The following TENM1 variants were observed in gnomAD, a reference collection of about 807,000 sequenced individuals.
The protein encoded by TENM1 is teneurin transmembrane protein 1, also known as teneurin-1.
Under a neutral mutation model 174.8 loss-of-function variants are expected in TENM1, and 35 were observed. The observed-to-expected ratio is 0.20, with a 90% confidence interval of 0.15 to 0.27. TENM1 has a LOEUF of 0.27. Ranked by LOEUF, TENM1 falls within the 10% of genes least tolerant of loss-of-function variation. The probability of loss-of-function intolerance (pLI) is 1.00; values close to 1 mark genes in which losing one functional copy is unlikely to be tolerated. For synonymous variants in TENM1, 781 were observed against 798.7 expected (o/e 0.98, Z 0.37); for missense variants, 1,633 against 2,130.1 (o/e 0.77, Z 4.59).
intron 1 of TENM1, among the ~76,000 whole-genome samples, chrX:124,907,796 T>C (rs942683858): frequency 1.8e-5 from 2 of 112,195 alleles, no homozygotes; most frequent in South Asian, 7.5e-4. Context: ...ATAGTAGTCA[T>C]ATACTCTTAT....
At chrX:124,654,355 C>T (rs956669949) in intron 6 of TENM1, among the ~76,000 whole-genome samples, 3 of 112,268 alleles carry the variant, frequency 2.7e-5, no homozygotes, top group Non-Finnish European at 5.6e-5. Context: ...AAGCTCTGTG[C>T]GGACAAGCAC....
chrX:124,943,144 T>A (rs1314602788), intron 1 of TENM1, among the ~76,000 whole-genome samples: 3 of 111,406 alleles, frequency 2.7e-5, no homozygotes, highest in Non-Finnish European at 5.7e-5. Context: ...GTAAAGGCGG[T>A]TAAAAGAAGA....
chrX:124,979,239 C>T, the TENM1 span, among the ~76,000 whole-genome samples: 84 of 112,005 alleles, frequency 7.5e-4, 1 homozygote, highest in African/African-American at 2.5e-3. Context: ...AATACAAATG[C>T]TTCTTGGATT....
At chrX:124,725,897 G>C (rs1178778251) in intron 4 of TENM1, among the ~76,000 whole-genome samples, 1 of 112,408 alleles carries the variant, frequency 8.9e-6, no homozygotes, top group African/African-American at 3.2e-5. Context: ...GGAAATATTT[G>C]TTATGATTCA....
chrX:124,962,825 GACAAA>G lies in TENM1; in HGVS notation c.217+707_217+711del, dbSNP rs754930625. On this transcript the variant is annotated intron_variant, in intron 1 of 31. Transcript: ENST00000422452. ...AGAGTGAGATTCTGTCTCAAAACAA[GACAAA>G]ACAAAACAAAACAAAACAAAACAAA... 7.7e-3 allele frequency among the ~76,000 whole-genome samples: 855 copies of G among 110,342 alleles called. 14 individuals are homozygous for G. Among genetic ancestry groups the G allele is most frequent in the African/African-American group, 0.026 (779 of 30,300 alleles).
intron 11 of TENM1, among the ~76,000 whole-genome samples, chrX:124,639,106 A>G (rs2050950251): frequency 9.0e-6 from 1 of 111,716 alleles, no homozygotes; most frequent in South Asian, 3.7e-4. Context: ...AAATCACTCA[A>G]TGCTTTCCTA....
rs745471230 is a variant in TENM1 at position 124,825,158 on chromosome X, C to CTT, written c.535+69136_535+69137dup. On this transcript the variant is annotated intron_variant, in intron 3 of 31. Coordinates refer to ENST00000422452, the Ensembl canonical transcript of TENM1. ...TCTTTTTCATACATAAGCTGACTTT[C>CTT]TTTTTTTTTTTTTTTTTTTTTTTTG... Among the ~76,000 whole-genome samples the CTT allele has an allele frequency of 5.0e-3, 306 of 60,973 alleles. 7 individuals carry two copies. Among genetic ancestry groups the CTT allele is most frequent in the African/African-American group, 9.7e-3 (154 of 15,796 alleles). 52.9% of individuals were successfully genotyped at this position (60,973 alleles called of 115,157 possible).
At chrX:124,408,971 C>T (rs1396884503) in intron 25 of TENM1, among the ~76,000 whole-genome samples, 1 of 108,604 alleles carries the variant, frequency 9.2e-6, no homozygotes, top group Non-Finnish European at 1.9e-5. Flanking sequence ...TTTACAGCTT[C>T]ATCCATGTCC....
At chrX:124,500,701 T>G (rs1280742760) in intron 19 of TENM1, among the ~76,000 whole-genome samples, 1 of 112,254 alleles carries the variant, frequency 8.9e-6, no homozygotes, top group Admixed American at 9.5e-5. Flanking sequence ...GTAAGCACAC[T>G]TTTAAACATA....
chrX:125,022,309 G>A, the TENM1 span, among the ~76,000 whole-genome samples: 1 of 111,928 alleles, frequency 8.9e-6, no homozygotes, highest in East Asian at 2.8e-4. Context: ...TTTAAGTCCT[G>A]TATATTTACC....
the TENM1 span, among the ~76,000 whole-genome samples, chrX:125,058,589 G>A: frequency 9.0e-6 from 1 of 111,273 alleles, no homozygotes; most frequent in Non-Finnish European, 1.9e-5. Flanking sequence ...TTAGATTTTG[G>A]TGCATCTGCC....
rs144867172 is a variant in TENM1, at chrX:124,724,394, G to A, written c.776+12563C>T. Among the ~76,000 whole-genome samples the A allele has an allele frequency of 5.1e-3, 569 of 112,020 alleles. 2 individuals carry two copies. Among genetic ancestry groups the A allele is most frequent in the African/African-American group, 0.017 (534 of 30,596 alleles). On this transcript the variant is annotated intron_variant, in intron 4 of 31. Transcript: ENST00000422452. ...GGGCAAATATACAATGAAATAAGGCGTTGTGATAAACATATTGGCAGAGTG... is the reference window on the plus strand; with the variant it reads ...GGGCAAATATACAATGAAATAAGGCATTGTGATAAACATATTGGCAGAGTG...
At chrX:124,738,743 C>T (rs935825094) in intron 3 of TENM1, among the ~76,000 whole-genome samples, 3 of 111,718 alleles carry the variant, frequency 2.7e-5, no homozygotes, top group Non-Finnish European at 3.8e-5. Flanking sequence ...TACTCATAAC[C>T]GTAACTAGAA....
At chrX:124,832,904 T>G (rs2056319390) in intron 3 of TENM1, among the ~76,000 whole-genome samples, 1 of 112,077 alleles carries the variant, frequency 8.9e-6, no homozygotes, top group South Asian at 3.7e-4. Context: ...GTCTAGCAAA[T>G]AGTAAGTATG....
chrX:124,681,966 T>C (rs1198506775), intron 5 of TENM1, among the ~76,000 whole-genome samples: 1 of 111,828 alleles, frequency 8.9e-6, no homozygotes, highest in Admixed American at 9.5e-5. Flanking sequence ...TTTCCTGCCC[T>C]AGGAGATGAT....
intron 3 of TENM1, among the ~76,000 whole-genome samples, chrX:124,744,757 T>C (rs914522241): frequency 1.8e-5 from 2 of 112,078 alleles, no homozygotes; most frequent in African/African-American, 6.5e-5. Flanking sequence ...TAATTGACAG[T>C]GTATCATTTA....
intron 3 of TENM1, among the ~76,000 whole-genome samples, chrX:124,891,747 A>G: frequency 9.0e-6 from 1 of 111,487 alleles, no homozygotes; most frequent in Admixed American, 9.5e-5. Flanking sequence ...CCATTAGATC[A>G]CCTGTCAGAG....
chrX:124,894,617 G>T (rs952495916), intron 2 of TENM1, among the ~76,000 whole-genome samples: 2 of 111,720 alleles, frequency 1.8e-5, no homozygotes, highest in Non-Finnish European at 3.8e-5. Context: ...GACTTGCAAA[G>T]GTAGAAGAAT....
chrX:124,754,983 T>G lies in TENM1; in HGVS notation c.536-17786A>C, dbSNP rs193199481. On this transcript the variant is annotated intron_variant, in intron 3 of 31. Transcript: ENST00000422452. ...TATTCTGTTGATTTGGGGTGGAGAG[T>G]TCTGTAGATGTCTATTAGGTCCGCT... Among the ~76,000 whole-genome samples the G allele has an allele frequency of 6.0e-4, 62 of 103,071 alleles. 1 individual carries two copies. Among genetic ancestry groups the G allele is most frequent in the Admixed American group, 3.0e-3 (30 of 9,873 alleles). 89.5% of individuals were successfully genotyped at this position (103,071 alleles called of 115,157 possible).
Sources: allele counts gnomAD v4.1 joint callset (sites outside exome capture counted in the v4.1 genomes callset), GRCh38; gene constraint gnomAD v4.1.1; transcripts MANE v1.5; gene names NCBI Gene and HGNC (gene_info 2026-07-23, HGNC 2026-07-21).